The following PRKCH variants were observed in gnomAD, a reference collection of about 807,000 sequenced individuals.
PRKCH encodes protein kinase C eta, also known as protein kinase C eta type.
In PRKCH, 28 loss-of-function variants were observed where a neutral mutation model predicts 82.5. The observed-to-expected ratio is 0.34, with a 90% CI of 0.25 to 0.47. The LOEUF (loss-of-function observed/expected upper bound fraction) is 0.47. Among genes scored for constraint, PRKCH ranks in the 20% least tolerant of loss-of-function variants. The pLI, the probability that PRKCH is intolerant of heterozygous loss-of-function variation, is 1.00. For synonymous variants in PRKCH, 322 were observed against 327.4 expected (o/e 0.98, Z 0.18); for missense variants, 705 against 881.8 (o/e 0.80, Z 2.54).
intron 1 of PRKCH, among the ~76,000 whole-genome samples, chr14:61,275,560 G>A (rs139357701): frequency 1.4e-3 from 219 of 152,162 alleles, no homozygotes; most frequent in Non-Finnish European, 2.1e-3. Flanking sequence ...AAGACAAATC[G>A]CACTTAAATT....
intron 12 of PRKCH, among the ~76,000 whole-genome samples, chr14:61,536,424 T>TC (rs1198975656): frequency 6.6e-6 from 1 of 152,100 alleles, no homozygotes; most frequent in African/African-American, 2.4e-5. Context: ...GCCTGCTGGA[T>TC]CTGCCCTTTC....
chr14:61,282,666 G>A (rs1217187237), intron 1 of PRKCH, among the ~76,000 whole-genome samples: 1 of 152,154 alleles, frequency 6.6e-6, no homozygotes, highest in Admixed American at 6.5e-5. Flanking sequence ...ATCATAGGGT[G>A]TAATCAAGTA....
At chr14:61,401,944 C>T (rs562123154) in intron 2 of PRKCH, among the ~76,000 whole-genome samples, 74 of 152,250 alleles carry the variant, frequency 4.9e-4, no homozygotes, top group Admixed American at 9.8e-4. Flanking sequence ...GTCTAAAAAA[C>T]GAATGAACTG....
intron 1 of PRKCH, among the ~76,000 whole-genome samples, chr14:61,377,054 G>T (rs938617807): frequency 6.6e-6 from 1 of 152,162 alleles, no homozygotes; most frequent in African/African-American, 2.4e-5. Flanking sequence ...TAATGATGGG[G>T]TGGGTATCAT....
chr14:61,547,942 C>T (rs1412596921), intron 13 of PRKCH, 56 bp downstream of exon 13: 16 of 1,584,852 alleles, frequency 1.0e-5, no homozygotes, highest in Non-Finnish European at 1.4e-5. Context: ...CACAGCATTC[C>T]ACCAAAGTCC....
intron 1 of PRKCH, among the ~76,000 whole-genome samples, chr14:61,202,556 G>A (rs2044490290): frequency 6.6e-6 from 1 of 152,194 alleles, no homozygotes; most frequent in Admixed American, 6.5e-5. Context: ...AGAGCAGTGG[G>A]GGAGGGGAGG....
intron 2 of PRKCH, among the ~76,000 whole-genome samples, chr14:61,406,445 CT>C (rs1007349809): frequency 2.7e-5 from 4 of 150,178 alleles, no homozygotes; most frequent in Non-Finnish European, 4.4e-5. Flanking sequence ...GGAATGTTGG[CT>C]TTGCTGCCCA....
At chr14:61,438,679 G>T (rs1883797119) in intron 2 of PRKCH, among the ~76,000 whole-genome samples, 1 of 152,022 alleles carries the variant, frequency 6.6e-6, no homozygotes, top group African/African-American at 2.4e-5. Context: ...CTCATCCACA[G>T]AAGCCTCACA....
chr14:61,318,602 C>A (rs185518811), upstream of PRKCH, among the ~76,000 whole-genome samples: 32 of 152,150 alleles, frequency 2.1e-4, no homozygotes, highest in Admixed American at 5.9e-4. Context: ...CTTCCTCATT[C>A]CCTTCAATCT....
At chr14:61,273,111 AC>A (rs1566802069) in intron 1 of PRKCH, among the ~76,000 whole-genome samples, 1 of 152,218 alleles carries the variant, frequency 6.6e-6, no homozygotes, top group African/African-American at 2.4e-5. Flanking sequence ...GTAATATTCC[AC>A]GGTTTCCTAT....
intron 9 of PRKCH, among the ~76,000 whole-genome samples, chr14:61,470,363 G>A (rs192004698): frequency 6.6e-6 from 1 of 152,106 alleles, no homozygotes; most frequent in East Asian, 1.9e-4. Context: ...GGCAAGACTA[G>A]TCTGTTCACT....
At chr14:61,251,196 C>A (rs980928820) in intron 1 of PRKCH, among the ~76,000 whole-genome samples, 1 of 152,160 alleles carries the variant, frequency 6.6e-6, no homozygotes, top group African/African-American at 2.4e-5. Flanking sequence ...AGCGTTTATC[C>A]TTTGTGTTAC....
intron 2 of PRKCH, among the ~76,000 whole-genome samples, chr14:61,403,752 C>G (rs1210307890): frequency 6.6e-6 from 1 of 152,166 alleles, no homozygotes; most frequent in Non-Finnish European, 1.5e-5. Flanking sequence ...TTCTATGGCA[C>G]TCGCTTACTG....
intron 9 of PRKCH, among the ~76,000 whole-genome samples, chr14:61,479,310 C>T (rs1334408906): frequency 2.0e-5 from 3 of 152,198 alleles, no homozygotes; most frequent in African/African-American, 7.2e-5. Context: ...AGCTTTTTAC[C>T]TCAGTTTCAG....
intron 1 of PRKCH, among the ~76,000 whole-genome samples, chr14:61,235,272 G>T (rs2044778368): frequency 6.6e-6 from 1 of 152,190 alleles, no homozygotes; most frequent in South Asian, 2.1e-4. Flanking sequence ...GAGGCTTTTA[G>T]CCCTGTTCAA....
At chr14:61,245,209 G>T (rs1169138222) in intron 1 of PRKCH, among the ~76,000 whole-genome samples, 1 of 152,160 alleles carries the variant, frequency 6.6e-6, no homozygotes, top group East Asian at 1.9e-4. Context: ...ACTCAAACCA[G>T]ATCTGTGAGG....
intron 1 of PRKCH, among the ~76,000 whole-genome samples, chr14:61,225,504 A>G (rs1479251359): frequency 3.9e-5 from 6 of 152,172 alleles, no homozygotes; most frequent in African/African-American, 1.2e-4. Flanking sequence ...TGAGCGCAGA[A>G]CACCCACTCT....
intron 2 of PRKCH, among the ~76,000 whole-genome samples, chr14:61,413,689 C>T (rs938200272): frequency 5.3e-5 from 8 of 152,002 alleles, no homozygotes; most frequent in Admixed American, 1.3e-4. Context: ...GCCAGGCCTC[C>T]TCCTCCTAAA....
At chr14:61,389,850 G>A (rs558455120) in intron 1 of PRKCH, among the ~76,000 whole-genome samples, 3,642 of 126,448 alleles carry the variant, frequency 0.029, 122 homozygotes, top group African/African-American at 0.12. Context: ...GGTCTAGTAG[G>A]GGGGCTCTTT....
Sources: allele counts gnomAD v4.1 joint callset (sites outside exome capture counted in the v4.1 genomes callset), GRCh38; gene constraint gnomAD v4.1.1; transcripts MANE v1.5; gene names NCBI Gene and HGNC (gene_info 2026-07-23, HGNC 2026-07-21).